The following EGFLAM variants were observed in gnomAD, a reference collection of about 807,000 sequenced individuals.
EGFLAM encodes EGF like, fibronectin type III and laminin G domains, also known as pikachurin.
EGFLAM carries 79 observed loss-of-function variants against 113.1 expected under a neutral mutation model. The observed-to-expected ratio is 0.70, with a 90% CI of 0.58 to 0.84. The LOEUF is 0.84. Ranked by LOEUF, EGFLAM falls within the 40% of genes least tolerant of loss-of-function variation. The probability of loss-of-function intolerance (pLI) is 0.00; values close to 1 mark genes in which losing one functional copy is unlikely to be tolerated. For missense variants in EGFLAM, 1,265 were observed against 1,291.6 expected, an observed-to-expected ratio of 0.98 and a Z score of 0.32; for synonymous variants, 504 against 487.6, an observed-to-expected ratio of 1.03 and a Z score of -0.44.
chr5:38,370,828 C>A (rs917940826), intron 6 of EGFLAM, among the ~76,000 whole-genome samples: 1 of 152,182 alleles, frequency 6.6e-6, no homozygotes, highest in Non-Finnish European at 1.5e-5. Flanking sequence ...AACTAAGGCC[C>A]CTGGAGGCTT....
At chr5:38,260,784 C>G (rs1046474061) in intron 1 of EGFLAM, among the ~76,000 whole-genome samples, 1 of 152,190 alleles carries the variant, frequency 6.6e-6, no homozygotes, top group Non-Finnish European at 1.5e-5. Flanking sequence ...AAATTTCCCT[C>G]CTGGGCTCAT....
intron 3 of EGFLAM, among the ~76,000 whole-genome samples, chr5:38,345,037 T>C (rs1278016104): frequency 3.3e-5 from 5 of 152,256 alleles, no homozygotes; most frequent in Admixed American, 3.3e-4. Context: ...ATGGAGGGAA[T>C]GGAAAAGGCA....
At chr5:38,395,101 C>T (rs1033945714) in intron 6 of EGFLAM, among the ~76,000 whole-genome samples, 1 of 151,930 alleles carries the variant, frequency 6.6e-6, no homozygotes, top group Non-Finnish European at 1.5e-5. Flanking sequence ...CCACCATGCC[C>T]AGCCAATTTT....
chr5:38,445,607 G>A, intron 17 of EGFLAM: 1 of 1,598,392 alleles, frequency 6.3e-7, no homozygotes. Flanking sequence ...TCTGCAACCA[G>A]AGTAATTGGG....
intron 1 of EGFLAM, chr5:38,283,934 T>C (rs889050059): frequency 6.6e-6 from 1 of 152,334 alleles, no homozygotes; most frequent in Non-Finnish European, 1.5e-5. Flanking sequence ...TTCTCAGCTC[T>C]TCATTAGCTC....
chr5:38,265,920 C>T (rs896501601), intron 1 of EGFLAM, among the ~76,000 whole-genome samples: 10 of 152,216 alleles, frequency 6.6e-5, no homozygotes, highest in Admixed American at 3.9e-4. Flanking sequence ...TCTCCCACTG[C>T]CTCCCTCTCC....
intron 1 of EGFLAM, among the ~76,000 whole-genome samples, chr5:38,277,532 T>C (rs1757916153): frequency 6.6e-6 from 1 of 152,186 alleles, no homozygotes; most frequent in African/African-American, 2.4e-5. Context: ...CCTACTCTTA[T>C]TAAACATTGT....
chr5:38,265,787 G>C (rs1286705034), intron 1 of EGFLAM, among the ~76,000 whole-genome samples: 1 of 152,264 alleles, frequency 6.6e-6, no homozygotes, highest in Non-Finnish European at 1.5e-5. Flanking sequence ...TCCGCCCTCA[G>C]CAGTAATTCC....
Position 38,309,194 on chromosome 5 carries a change from A to G in EGFLAM, c.98-28326A>G, listed in dbSNP as rs936772884. ...CATCTACTATTTGTACCATGGAAGTACATACTACATAATAATGTGCTACTG... is the reference window on the plus strand; with the variant it reads ...CATCTACTATTTGTACCATGGAAGTGCATACTACATAATAATGTGCTACTG... On this transcript the variant is annotated intron_variant, in intron 1 of 21. Transcript: ENST00000322350. Among the ~76,000 whole-genome samples the G allele has an allele frequency of 3.9e-5, 6 of 152,244 alleles. No individual in the cohort carries two copies. The South Asian group carries it at 6.2e-4, about 16-fold the overall frequency.
At chr5:38,426,676 C>T (rs1394804677) in intron 13 of EGFLAM, among the ~76,000 whole-genome samples, 1 of 152,184 alleles carries the variant, frequency 6.6e-6, no homozygotes, top group Non-Finnish European at 1.5e-5. Context: ...GGTTCTGCTC[C>T]ACACAGTTAT....
chr5:38,373,857 T>C lies in EGFLAM; in HGVS notation c.712+3395T>C, dbSNP rs537838193. On this transcript the variant is annotated intron_variant, in intron 6 of 21. Transcript: ENST00000322350. ...TCCATAGTGTTTTCCACAGAGGTTG[T>C]ACTAATTTGCATTCCCATGAACAGC... Among the ~76,000 whole-genome samples the C allele has an allele frequency of 1.4e-4, 21 of 152,342 alleles. No homozygotes were observed. In the South Asian group the frequency reaches 2.3e-3, roughly 17 times the overall value.
At chr5:38,404,109 G>A (rs1741202842) in intron 6 of EGFLAM, among the ~76,000 whole-genome samples, 1 of 152,146 alleles carries the variant, frequency 6.6e-6, no homozygotes, top group Admixed American at 6.5e-5. Context: ...TGGTCTGGGA[G>A]GAGATTGATT....
At chr5:38,317,769 C>A (rs959931339) in intron 1 of EGFLAM, among the ~76,000 whole-genome samples, 2 of 152,244 alleles carry the variant, frequency 1.3e-5, no homozygotes, top group East Asian at 3.9e-4. Flanking sequence ...CAGGTAGGAC[C>A]CACAGGTGAA....
intron 12 of EGFLAM, among the ~76,000 whole-genome samples, chr5:38,422,661 G>T (rs988276269): frequency 1.3e-5 from 2 of 152,100 alleles, no homozygotes; most frequent in Admixed American, 6.5e-5. Flanking sequence ...ATTATTTAAT[G>T]GTGGGTGAAA....
chr5:38,384,479 G>C (rs146211406), intron 6 of EGFLAM, among the ~76,000 whole-genome samples: 3 of 152,308 alleles, frequency 2.0e-5, no homozygotes, highest in African/African-American at 7.2e-5. Flanking sequence ...CCCAAGTGGG[G>C]AGTTTCTACA....
chr5:38,435,353 C>A, intron 16 of EGFLAM, 100 bp downstream of exon 16: 1 of 906,378 alleles, frequency 1.1e-6, no homozygotes, highest in Non-Finnish European at 1.7e-6. Context: ...AAGAAAGACA[C>A]TTTGAGAAAG....
intron 1 of EGFLAM, among the ~76,000 whole-genome samples, chr5:38,319,803 G>T (rs1738693972): frequency 6.6e-6 from 1 of 152,222 alleles, no homozygotes; most frequent in African/African-American, 2.4e-5. Context: ...AAATGGGTGA[G>T]ATCACCTGGC....
chr5:38,379,894 A>C (rs1307291748), intron 6 of EGFLAM, among the ~76,000 whole-genome samples: 1 of 151,732 alleles, frequency 6.6e-6, no homozygotes, highest in African/African-American at 2.4e-5. Flanking sequence ...GTTTGCTTTT[A>C]GTCTTCCCAA....
intron 6 of EGFLAM, among the ~76,000 whole-genome samples, chr5:38,392,281 C>T (rs1269019509): frequency 6.6e-6 from 1 of 152,226 alleles, no homozygotes; most frequent in Non-Finnish European, 1.5e-5. Context: ...CTGCAAAAGA[C>T]ATGATCTTAT....
Sources: gnomAD v4.1 joint callset for allele counts (sites outside exome capture counted in the v4.1 genomes callset) on GRCh38, gnomAD v4.1.1 for gene constraint, MANE v1.5 for transcripts, NCBI Gene and HGNC (gene_info 2026-07-23, HGNC 2026-07-21) for gene names.